Variants in STAG1 observed in about 807,000 individuals in gnomAD.
The protein encoded by STAG1 is STAG1 cohesin complex component.
A neutral mutation model predicts 170.9 loss-of-function variants in STAG1; 26 were observed. That is an observed-to-expected ratio of 0.15 (90% CI 0.11 to 0.21). The LOEUF (loss-of-function observed/expected upper bound fraction) is 0.21, where lower values mean the gene tolerates loss of function less well. STAG1 is among the 10% of genes least tolerant of loss of function. The pLI is 1.00. For synonymous variants in STAG1, 514 were observed against 497.7 expected (o/e 1.03, Z -0.44); for missense variants, 964 against 1,509.5 (o/e 0.64, Z 5.99).
intron 23 of STAG1, among the ~76,000 whole-genome samples, chr3:136,372,664 A>C (rs920551306): frequency 1.3e-5 from 2 of 152,148 alleles, no homozygotes; most frequent in Non-Finnish European, 2.9e-5. Context: ...TGATTTTCCT[A>C]TGTTGAACCA....
In STAG1 at chr3:136,376,637, G is replaced by A. The variant is rs577421157; in HGVS notation, c.2370+1023C>T. On this transcript the variant is annotated intron_variant, in intron 23 of 33. Transcript: ENST00000383202. ...GTGGTGAATGGGCAGCTGTTTGGGCGGGTGGTATTGACAAGAGTTTCAAGA... is the reference window on the plus strand; with the variant it reads ...GTGGTGAATGGGCAGCTGTTTGGGCAGGTGGTATTGACAAGAGTTTCAAGA... 5.6e-4 allele frequency among the ~76,000 whole-genome samples: 85 copies of A among 152,234 alleles called. 1 individual carries two copies. The highest frequency in any genetic ancestry group is 1.9e-3 in the African/African-American group (78 of 41,558).
chr3:136,436,128 G>C (rs1015721816), intron 15 of STAG1, among the ~76,000 whole-genome samples: 11 of 151,832 alleles, frequency 7.2e-5, no homozygotes, highest in African/African-American at 2.7e-4. Flanking sequence ...GCTAATTTTT[G>C]TATTTTTAGG....
chr3:136,623,325 C>A (rs1939949022), intron 2 of STAG1, 77 bp from the exon 3 acceptor site: 1 of 1,308,074 alleles, frequency 7.6e-7, no homozygotes, highest in African/African-American at 1.5e-5. Flanking sequence ...TCCTTACCAC[C>A]TGCTATATGG....
chr3:136,397,555 CA>C (rs1264458635), intron 22 of STAG1, among the ~76,000 whole-genome samples: 4 of 151,850 alleles, frequency 2.6e-5, no homozygotes, highest in African/African-American at 9.7e-5. Context: ...CCATTTTAAT[CA>C]ATGACAAATT....
At chr3:136,412,559 G>C (rs1344687872) in intron 21 of STAG1, among the ~76,000 whole-genome samples, 1 of 152,178 alleles carries the variant, frequency 6.6e-6, no homozygotes, top group Non-Finnish European at 1.5e-5. Flanking sequence ...TATGAATAAT[G>C]AACAAACTGA....
chr3:136,652,280 G>T (rs909558998), intron 1 of STAG1, among the ~76,000 whole-genome samples: 4 of 152,180 alleles, frequency 2.6e-5, no homozygotes, highest in African/African-American at 9.7e-5. Flanking sequence ...CGCACTTGTA[G>T]AAAAATTCTC....
In STAG1 at chr3:136,621,818, G is replaced by C. The variant is rs1356899560; in HGVS notation, c.132+1328C>G. On this transcript the variant is annotated intron_variant, in intron 3 of 33. Coordinates refer to ENST00000383202, the MANE Select transcript of STAG1 (RefSeq NM_005862.3). ...GTAAAAGACATATAGACAATAACTG[G>C]TTAAGCAACATAACCATCAGTTGCA... 2.6e-5 allele frequency among the ~76,000 whole-genome samples: 4 copies of C among 151,870 alleles called. 1 individual carries two copies. The highest frequency in any genetic ancestry group is 2.0e-4 in the Admixed American group (3 of 15,240).
chr3:136,747,447 G>C (rs1405314440), intron 1 of STAG1, among the ~76,000 whole-genome samples: 1 of 152,134 alleles, frequency 6.6e-6, no homozygotes, highest in Non-Finnish European at 1.5e-5. Context: ...CCAGCACCTT[G>C]GGAGGCCAAG....
chr3:136,526,209 C>A (rs1334205452), intron 6 of STAG1, among the ~76,000 whole-genome samples: 2 of 152,152 alleles, frequency 1.3e-5, no homozygotes, highest in Admixed American at 1.3e-4. Flanking sequence ...TAAAGCCTCT[C>A]ATAATTATTG....
intron 1 of STAG1, among the ~76,000 whole-genome samples, chr3:136,667,647 C>T (rs1331575790): frequency 1.3e-5 from 2 of 152,040 alleles, no homozygotes; most frequent in Non-Finnish European, 2.9e-5. Flanking sequence ...AGGCACATGC[C>T]ACCACGCCCA....
At chr3:136,433,734 TAAAA>T (rs931906246) in intron 15 of STAG1, 75 bp from the exon 16 acceptor site, 7 of 994,438 alleles carry the variant, frequency 7.0e-6, no homozygotes, top group Non-Finnish European at 9.2e-6. Context: ...AACACATTAT[TAAAA>T]AAACTGAAAA....
intron 1 of STAG1, among the ~76,000 whole-genome samples, chr3:136,708,965 G>A (rs1294977302): frequency 2.7e-5 from 3 of 110,894 alleles, no homozygotes; most frequent in African/African-American, 6.7e-5. Flanking sequence ...CACTGCAGCT[G>A]GCTTTTTTTT....
intron 1 of STAG1, chr3:136,736,481 G>A: frequency 7.5e-7 from 1 of 1,329,776 alleles, no homozygotes. Flanking sequence ...CTGTGCCTGT[G>A]ACCCCGGGTG....
chr3:136,563,583 G>A (rs532680181), intron 5 of STAG1, among the ~76,000 whole-genome samples: 4 of 142,670 alleles, frequency 2.8e-5, no homozygotes, highest in East Asian at 2.1e-4. Context: ...TCTCGTTACC[G>A]TCAGGTTTTT....
intron 3 of STAG1, among the ~76,000 whole-genome samples, chr3:136,615,424 CAAAAAAAAAAA>C (rs35713077): frequency 2.2e-3 from 72 of 33,266 alleles, no homozygotes; most frequent in Admixed American, 6.6e-3. Context: ...AGACTTTGTC[CAAAAAAAAAAA>C]AAAAAAAAAA....
At chr3:136,457,205 C>G (rs2089137897) in intron 13 of STAG1, among the ~76,000 whole-genome samples, 1 of 152,100 alleles carries the variant, frequency 6.6e-6, no homozygotes, top group African/African-American at 2.4e-5. Flanking sequence ...AATATAAGCC[C>G]AGGCATAAAA....
chr3:136,539,002 C>G lies in STAG1; in HGVS notation c.471+3117G>C, dbSNP rs142307429. On this transcript the variant is annotated intron_variant, in intron 6 of 33. Coordinates refer to ENST00000383202, the MANE Select transcript of STAG1 (RefSeq NM_005862.3). ...ACAAAAAATTAGCCCAGCGTAGCGG[C>G]AGGCGCCTGTAGTCCCAGCTACTCA... Among the ~76,000 whole-genome samples, 950 of 152,104 alleles carry G rather than the reference C, an allele frequency of 6.2e-3. 14 individuals are homozygous for G. Among genetic ancestry groups the G allele is most frequent in the African/African-American group, 0.022 (907 of 41,510 alleles).
At chr3:136,722,968 G>T (rs1039575042) in intron 1 of STAG1, among the ~76,000 whole-genome samples, 3 of 152,230 alleles carry the variant, frequency 2.0e-5, no homozygotes, top group African/African-American at 4.8e-5. Flanking sequence ...TGCCGGGATT[G>T]CAGACGGAGT....
rs1433483389 is a variant in STAG1, at chr3:136,665,678, G to T, written c.-83-34697C>A. On this transcript the variant is annotated intron_variant, in intron 1 of 33. Transcript: ENST00000383202. ...GCCTGTAGTCCCAGCTACTGGGGAG[G>T]CTGAGGCAGGAGAATGGTGTGAACC... is the stretch of plus-strand genomic sequence containing the variant. Among the ~76,000 whole-genome samples the T allele has an allele frequency of 4.6e-4, 70 of 151,720 alleles. 2 individuals carry two copies. Among genetic ancestry groups the T allele is most frequent in the Non-Finnish European group, 4.4e-5 (3 of 67,954 alleles).
Sources: allele counts gnomAD v4.1 joint callset (sites outside exome capture counted in the v4.1 genomes callset), GRCh38; gene constraint gnomAD v4.1.1; transcripts MANE v1.5; gene names NCBI Gene and HGNC (gene_info 2026-07-23, HGNC 2026-07-21).